The following CCNDBP1 variants were observed in gnomAD, a reference collection of about 807,000 sequenced individuals.
CCNDBP1 encodes cyclin-D1-binding protein 1.
Under a neutral mutation model 46.2 loss-of-function variants are expected in CCNDBP1, and 45 were observed. That is an observed-to-expected ratio of 0.97 (90% CI 0.77 to 1.25). CCNDBP1 has a LOEUF of 1.25. Ranked by LOEUF, CCNDBP1 falls within the 50% of genes most tolerant of loss-of-function variation. The pLI, the probability that CCNDBP1 is intolerant of heterozygous loss-of-function variation, is 0.00. For synonymous variants in CCNDBP1, 154 were observed against 163.6 expected (o/e 0.94, Z 0.45); for missense variants, 436 against 442.1 (o/e 0.99, Z 0.12).
intron 4 of CCNDBP1, chr15:43,189,515 A>C: frequency 2.2e-6 from 1 of 450,566 alleles, no homozygotes; most frequent in Admixed American, 4.0e-5. Context: ...AAGGCTTTTA[A>C]TTCTCACAGC....
rs2142245978 is a variant in CCNDBP1 at position 43,196,294 on chromosome 15, T to C, written c.*1453T>C. On this transcript the variant is annotated 3_prime_UTR_variant, in exon 11 of 11. Coordinates refer to ENST00000300213, the MANE Select transcript of CCNDBP1 (RefSeq NM_012142.5). ...ATCAATGTAATTTTTTTTTTTTTTTTTTTTTTTTTGAGATGGAGTCTTGCT... is the reference window on the plus strand; with the variant it reads ...ATCAATGTAATTTTTTTTTTTTTTTCTTTTTTTTTGAGATGGAGTCTTGCT... 6.9e-6 allele frequency: 1 copy of C among 144,826 alleles called. No individual in the cohort carries two copies. Among genetic ancestry groups the C allele is most frequent in the South Asian group, 2.3e-4 (1 of 4,384 alleles). The allele number at this position is 144,826 out of a possible 1,614,324, so 9.0% of individuals were successfully genotyped here.
chr15:43,189,612 C>A, intron 4 of CCNDBP1: 1 of 328,490 alleles, frequency 3.0e-6, no homozygotes, highest in Non-Finnish European at 5.6e-6. Context: ...TTACTTTCCT[C>A]CACCCATGTT....
chr15:43,189,107 AAAAG>A (rs915196287), intron 3 of CCNDBP1, 88 bp from the exon 4 acceptor site: 11 of 487,168 alleles, frequency 2.3e-5, no homozygotes, highest in East Asian at 7.4e-5. Flanking sequence ...AAAAAAAAGA[AAAAG>A]AAAGAAAAGA....
chr15:43,194,588 C>A, intron 10 of CCNDBP1, 127 bp downstream of exon 10: 1 of 1,003,192 alleles, frequency 1.0e-6, no homozygotes, highest in South Asian at 1.6e-5. Flanking sequence ...CTTTCAGCTT[C>A]AGTTGTGGGG....
In CCNDBP1 at chr15:43,185,484, CG is replaced by C; in HGVS notation, c.-13del. ...AGCGGAGGCCTGTGTTTGCGGCCTTCGGCAAGCGACTGAGATGGCGAGCGCA... is the reference window on the plus strand; with the variant it reads ...AGCGGAGGCCTGTGTTTGCGGCCTTCGCAAGCGACTGAGATGGCGAGCGCA... On this transcript the variant is annotated 5_prime_UTR_variant, in exon 1 of 11. Transcript: ENST00000300213. 4 of 1,570,480 alleles carry C rather than the reference CG, an allele frequency of 2.5e-6. No homozygotes were observed. The highest frequency in any genetic ancestry group is 3.4e-6 in the Non-Finnish European group (4 of 1,161,918).
chr15:43,193,115 A>G (rs1039356075), intron 9 of CCNDBP1: 21 of 292,828 alleles, frequency 7.2e-5, no homozygotes, highest in Non-Finnish European at 1.2e-4. Flanking sequence ...CCAGCACTCC[A>G]GGAGGCGGAG....
Position 43,189,197 on chromosome 15 carries a change from A to T in CCNDBP1, c.250-2A>T. On this transcript the variant is annotated splice_acceptor_variant, in intron 3 of 10. Transcript: ENST00000300213. LOFTEE classifies it high-confidence loss of function. ...TGATCTAATCTGTTTCCTTTTTCAT[A>T]GGAAACCCAGAAGTTCTGTGAACAA... The T allele has an allele frequency of 6.2e-7, 1 of 1,600,916 alleles. No individual in the cohort carries two copies. Among genetic ancestry groups the T allele is most frequent in the Non-Finnish European group, 8.5e-7 (1 of 1,170,228 alleles).
chr15:43,190,741 A>C (rs1363641856), intron 6 of CCNDBP1, among the ~76,000 whole-genome samples: 2 of 152,190 alleles, frequency 1.3e-5, no homozygotes, highest in African/African-American at 4.8e-5. Flanking sequence ...CCATGATGAT[A>C]AACATCATGT....
intron 4 of CCNDBP1, 134 bp downstream of exon 4, chr15:43,189,414 A>G (rs555786304): frequency 1.4e-4 from 80 of 562,952 alleles, no homozygotes; most frequent in African/African-American, 1.4e-3. Flanking sequence ...TAATTTTGTA[A>G]TGTAAGTGAC....
At chr15:43,189,800 G>C (rs528392861) in intron 4 of CCNDBP1, 2 of 483,946 alleles carry the variant, frequency 4.1e-6, no homozygotes, top group Non-Finnish European at 7.4e-6. Flanking sequence ...AAGAGATCAC[G>C]GTCCTTAATG....
At chr15:43,189,417 T>C (rs1419789951) in intron 4 of CCNDBP1, 137 bp downstream of exon 4, 1 of 558,558 alleles carries the variant, frequency 1.8e-6, no homozygotes, top group East Asian at 3.1e-5. Context: ...TTTTGTAATG[T>C]AAGTGACTTA....
Position 43,191,013 on chromosome 15 carries a change from G to A in CCNDBP1, c.550G>A (p.Val184Met), listed in dbSNP as rs775211097. 10 of 1,614,144 alleles carry A rather than the reference G, an allele frequency of 6.2e-6. No homozygotes were observed. Among genetic ancestry groups the A allele is most frequent in the Non-Finnish European group, 8.5e-6 (10 of 1,179,988 alleles). Residue 184 changes from valine (V) to methionine (M), a missense_variant, in exon 7 of 11, where the codon GTG (valine) becomes ATG (methionine). Physicochemically the swap from Val to Met is conservative, Grantham distance 21. Transcript: ENST00000300213. ...LLMLTKNVDF[V>M]KDAHEEMEQA... ...GATGCTGACCAAGAATGTGGATTTT[G>A]TGAAGGATGCACATGAAGAAATGGA...
chr15:43,186,986 A>G (rs1055147881), intron 3 of CCNDBP1, among the ~76,000 whole-genome samples: 2 of 152,228 alleles, frequency 1.3e-5, no homozygotes, highest in African/African-American at 2.4e-5. Context: ...TAGAATTGCT[A>G]GAACAAAGAT....
Position 43,186,152 on chromosome 15 carries a change from A to C in CCNDBP1, c.170-2A>C, listed in dbSNP as rs773082204. The stretch of plus-strand genomic sequence containing the variant: ...CCTGCCTCCTCTTCGGCCACCCCCC[A>C]GATGAGGCAGCTGTGACTGTGTCAA... On this transcript the variant is annotated splice_acceptor_variant, in intron 2 of 10. Coordinates refer to ENST00000300213, the MANE Select transcript of CCNDBP1 (RefSeq NM_012142.5). LOFTEE classifies it high-confidence loss of function. 36 of 1,613,860 alleles carry C rather than the reference A, an allele frequency of 2.2e-5. No individual in the cohort carries two copies. Among genetic ancestry groups the C allele is most frequent in the South Asian group, 1.2e-4 (11 of 91,086 alleles).
intron 4 of CCNDBP1, 69 bp downstream of exon 4, chr15:43,189,349 T>A: frequency 1.1e-6 from 1 of 880,564 alleles, no homozygotes; most frequent in Non-Finnish European, 1.8e-6. Flanking sequence ...TCTTGTGACT[T>A]TTACCTTTAC....
chr15:43,187,093 G>A (rs906931462), intron 3 of CCNDBP1, among the ~76,000 whole-genome samples: 2 of 152,152 alleles, frequency 1.3e-5, no homozygotes, highest in Non-Finnish European at 2.9e-5. Flanking sequence ...CTAGAGTTGT[G>A]TATGCTTAAT....
intron 9 of CCNDBP1, 51 bp from the exon 10 acceptor site, chr15:43,194,364 A>G (rs1264874572): frequency 6.9e-7 from 1 of 1,453,114 alleles, no homozygotes; most frequent in Non-Finnish European, 9.2e-7. Flanking sequence ...ATTTGAACTC[A>G]CCTTTTTATG....
intron 3 of CCNDBP1, 90 bp downstream of exon 3, chr15:43,186,323 G>A (rs529902009): frequency 1.0e-6 from 1 of 990,448 alleles, no homozygotes; most frequent in East Asian, 2.6e-5. Flanking sequence ...CGCACGCCAG[G>A]AGATTTCTTT....
intron 3 of CCNDBP1, among the ~76,000 whole-genome samples, chr15:43,186,597 G>C (rs1216713674): frequency 6.6e-6 from 1 of 152,206 alleles, no homozygotes; most frequent in Non-Finnish European, 1.5e-5. Flanking sequence ...AGGGGGGCTA[G>C]AATTTAAATC....
Sources: gnomAD v4.1 joint callset for allele counts (sites outside exome capture counted in the v4.1 genomes callset) on GRCh38, gnomAD v4.1.1 for gene constraint, MANE v1.5 for transcripts, NCBI Gene and HGNC (gene_info 2026-07-23, HGNC 2026-07-21) for gene names.